LMNTD1: variants seen among roughly 807,000 people sequenced by gnomAD.
LMNTD1 encodes lamin tail domain-containing protein 1.
Under a neutral mutation model 50.9 loss-of-function variants are expected in LMNTD1, and 35 were observed. The ratio of observed to expected loss-of-function variants is 0.69; its 90% CI spans 0.53 to 0.91. The LOEUF is 0.91. Ranked by LOEUF, LMNTD1 falls within the 40% of genes least tolerant of loss-of-function variation. The pLI is 0.00. For synonymous variants in LMNTD1, 153 were observed against 161.9 expected (o/e 0.94, Z 0.42); for missense variants, 470 against 475.5 (o/e 0.99, Z 0.11).
At chr12:25,621,743 A>C (rs935930418) in intron 1 of LMNTD1, among the ~76,000 whole-genome samples, 2 of 152,224 alleles carry the variant, frequency 1.3e-5, no homozygotes, top group African/African-American at 4.8e-5. Context: ...AAAAATGAAT[A>C]ATCAAAGTCT....
Position 25,571,395 on chromosome 12 carries a change from G to A in LMNTD1, c.59-24841C>T, listed in dbSNP as rs190657510. Among the ~76,000 whole-genome samples, 587 of 150,128 alleles carry A rather than the reference G, an allele frequency of 3.9e-3. 1 individual carries two copies. Among genetic ancestry groups the A allele is most frequent in the African/African-American group, 0.014 (550 of 40,528 alleles). On this transcript the variant is annotated intron_variant, in intron 1 of 7. Transcript: ENST00000445693. ...TATTTATTTTTTGAGACGGAGTCTC[G>A]CTCTGTCACCCAGGCTGGAGTGCAG...
chr12:25,476,759 A>C (rs148824953), intron 9 of LMNTD1, among the ~76,000 whole-genome samples: 83 of 152,306 alleles, frequency 5.4e-4, no homozygotes, highest in African/African-American at 1.8e-3. Context: ...GTGGATATTT[A>C]AACCATGTTG....
intron 9 of LMNTD1, among the ~76,000 whole-genome samples, chr12:25,502,470 TATATTACTAGGA>T (rs1388085949): frequency 6.6e-6 from 1 of 152,240 alleles, no homozygotes; most frequent in Non-Finnish European, 1.5e-5. Flanking sequence ...GAGCAAGGAC[TATATTACTAGGA>T]GCCAAATCTG....
At position 25,526,859 on chromosome 12, in the gene LMNTD1, A is replaced by G; in HGVS notation, c.588T>C (p.Asp196=). 3 of 1,611,842 alleles carry G rather than the reference A, an allele frequency of 1.9e-6. No individual in the cohort carries two copies. The highest frequency in any genetic ancestry group is 2.5e-6 in the Non-Finnish European group (3 of 1,178,058). ...CATTCACATTTTGCTGGAGAATATG[A>G]TCTCCAATTGCCATTTCTTTGTCAA... ...SSLDKEMAIG[D]HILQQNVNGQ... The change falls in exon 5 of 10, where the codon GAT becomes GAC. Residue 196 remains aspartate, a synonymous_variant. Transcript: ENST00000458174.
At chr12:25,500,409 G>A (rs1939319051) in intron 9 of LMNTD1, among the ~76,000 whole-genome samples, 1 of 152,124 alleles carries the variant, frequency 6.6e-6, no homozygotes, top group South Asian at 2.1e-4. Flanking sequence ...CCCATGTTTG[G>A]ACTGTCCAGT....
At chr12:25,554,108 C>G (rs1361351874), upstream of LMNTD1, among the ~76,000 whole-genome samples, 8 of 152,210 alleles carry the variant, frequency 5.3e-5, no homozygotes, top group Admixed American at 5.2e-4. Flanking sequence ...TTTCCTCCCT[C>G]TCAGAGATGA....
At chr12:25,611,527 C>A (rs1946242736) in intron 1 of LMNTD1, among the ~76,000 whole-genome samples, 1 of 152,196 alleles carries the variant, frequency 6.6e-6, no homozygotes, top group African/African-American at 2.4e-5. Context: ...TCCCACTCAT[C>A]ATTTTACTCA....
rs545537792 is a variant in LMNTD1, at chr12:25,607,174, C to T, written c.58+41320G>A. Among the ~76,000 whole-genome samples the T allele has an allele frequency of 1.1e-4, 16 of 152,088 alleles. No homozygotes were observed. In the South Asian group the frequency reaches 2.1e-3, roughly 20 times the overall value. ...GTTTGTATTTATGTGGGATTGGTGG[C>T]GATATCCTCTTTATCGTTTTTTATT... is the stretch of plus-strand genomic sequence containing the variant. On this transcript the variant is annotated intron_variant, in intron 1 of 7. Coordinates refer to the LMNTD1 transcript ENST00000445693.
At chr12:25,627,253 C>A (rs181767801) in intron 1 of LMNTD1, among the ~76,000 whole-genome samples, 1 of 152,290 alleles carries the variant, frequency 6.6e-6, no homozygotes, top group East Asian at 1.9e-4. Context: ...TGAGGATGAG[C>A]CTCTGAAAGG....
chr12:25,513,362 T>C (rs573349329), intron 8 of LMNTD1, among the ~76,000 whole-genome samples: 70 of 152,276 alleles, frequency 4.6e-4, no homozygotes, highest in African/African-American at 1.5e-3. Flanking sequence ...AAACAACCCA[T>C]GTGGCCAGGC....
intron 1 of LMNTD1, among the ~76,000 whole-genome samples, chr12:25,631,028 G>A (rs1301172954): frequency 1.3e-5 from 2 of 152,098 alleles, no homozygotes; most frequent in African/African-American, 2.4e-5. Flanking sequence ...TGTGACTGCC[G>A]GCTTTCTCCC....
intron 8 of LMNTD1, among the ~76,000 whole-genome samples, chr12:25,518,521 A>G (rs7294818): frequency 0.017 from 2,547 of 152,256 alleles, 74 homozygotes; most frequent in African/African-American, 0.058. Flanking sequence ...TTCAAGAATC[A>G]TACATACTCT....
rs571748047 is a variant in LMNTD1 at position 25,496,404 on chromosome 12, T to C, written c.*22+7334A>G. On this transcript the variant is annotated intron_variant, in intron 9 of 9. Coordinates refer to ENST00000458174, the MANE Select transcript of LMNTD1 (RefSeq NM_001145728.2). Reference sequence around the variant, plus strand: ...AAACATTATGACTGCACAGTTTCCATAGTAACCATGAACAAAACGGAACAG... The same window carrying C: ...AAACATTATGACTGCACAGTTTCCACAGTAACCATGAACAAAACGGAACAG... 2.0e-5 allele frequency among the ~76,000 whole-genome samples: 3 copies of C among 152,310 alleles called. No homozygotes were observed. In the South Asian group the frequency reaches 6.2e-4, roughly 32 times the overall value.
intron 4 of LMNTD1, among the ~76,000 whole-genome samples, 168 bp downstream of exon 4, chr12:25,546,206 T>C (rs900773646): frequency 3.3e-5 from 5 of 151,702 alleles, no homozygotes; most frequent in African/African-American, 1.2e-4. Context: ...TAGACCATTA[T>C]ATCAATTTAT....
intron 1 of LMNTD1, chr12:25,586,049 G>A (rs1945514085): frequency 6.6e-6 from 1 of 152,200 alleles, no homozygotes; most frequent in African/African-American, 2.4e-5. Flanking sequence ...AGTGTTCTAT[G>A]TCATTTGGAT....
chr12:25,526,440 T>G (rs1396888950), intron 5 of LMNTD1, among the ~76,000 whole-genome samples: 2 of 152,142 alleles, frequency 1.3e-5, no homozygotes, highest in Non-Finnish European at 2.9e-5. Context: ...TAATTATCTG[T>G]TCTCTAAGCA....
At chr12:25,482,620 G>A (rs913471558) in intron 9 of LMNTD1, among the ~76,000 whole-genome samples, 2 of 151,900 alleles carry the variant, frequency 1.3e-5, no homozygotes, top group Admixed American at 6.5e-5. Context: ...GAAACAAGTG[G>A]CTGCTCCTAA....
At chr12:25,598,339 T>A (rs1236093449) in intron 1 of LMNTD1, among the ~76,000 whole-genome samples, 2 of 151,904 alleles carry the variant, frequency 1.3e-5, no homozygotes, top group African/African-American at 4.8e-5. Flanking sequence ...CCAAAACCTA[T>A]GGAATATAGC....
At chr12:25,645,955 G>A (rs529046956) in intron 1 of LMNTD1, among the ~76,000 whole-genome samples, 24 of 152,266 alleles carry the variant, frequency 1.6e-4, no homozygotes, top group African/African-American at 5.8e-4. Flanking sequence ...GAAGGAATGT[G>A]ACACTCAGAA....
Sources: gnomAD v4.1 joint callset for allele counts (sites outside exome capture counted in the v4.1 genomes callset) on GRCh38, gnomAD v4.1.1 for gene constraint, MANE v1.5 for transcripts, NCBI Gene and HGNC (gene_info 2026-07-23, HGNC 2026-07-21) for gene names.